The following SLC41A3 variants were observed in gnomAD, a reference collection of about 807,000 sequenced individuals.
SLC41A3 encodes SLC41A1-like 2.
A neutral mutation model predicts 45.4 loss-of-function variants in SLC41A3; 44 were observed. That is an observed-to-expected ratio of 0.97 (90% CI 0.76 to 1.25). The LOEUF is 1.25. Ranked by LOEUF, SLC41A3 falls within the 50% of genes most tolerant of loss-of-function variation. The probability of loss-of-function intolerance (pLI) is 0.00; values close to 1 mark genes in which losing one functional copy is unlikely to be tolerated. For synonymous variants in SLC41A3, 256 were observed against 252.4 expected, an observed-to-expected ratio of 1.01 and a Z score of -0.13; for missense variants, 550 against 600.6, an observed-to-expected ratio of 0.92 and a Z score of 0.88.
At chr3:126,067,702 T>G in intron 2 of SLC41A3, 1 of 554,468 alleles carries the variant, frequency 1.8e-6, no homozygotes, top group Non-Finnish European at 3.2e-6. Context: ...AGGGAAATGA[T>G]TAAGTAAATT....
chr3:126,006,913 A>G lies in SLC41A3; in HGVS notation c.*103T>C. The G allele has an allele frequency of 1.3e-6, 2 of 1,565,798 alleles. No homozygotes were observed. The highest frequency in any genetic ancestry group is 1.7e-6 in the Non-Finnish European group (2 of 1,156,166). On this transcript the variant is annotated 3_prime_UTR_variant, in exon 11 of 11. Coordinates refer to ENST00000360370, the MANE Select transcript of SLC41A3 (RefSeq NM_017836.4). The stretch of plus-strand genomic sequence containing the variant: ...ACTCACAAAAGGCTACTGCAGAGGC[A>G]GGGGTCAACCATCCCAAGGACCTGG...
At chr3:126,046,354 A>G (rs1942957211) in intron 3 of SLC41A3, among the ~76,000 whole-genome samples, 2 of 45,762 alleles carry the variant, frequency 4.4e-5, no homozygotes, top group African/African-American at 1.3e-4. Context: ...AACTCTAAAG[A>G]TTACACACAC....
chr3:126,041,955 C>T (rs1942623678), intron 3 of SLC41A3, among the ~76,000 whole-genome samples: 1 of 152,144 alleles, frequency 6.6e-6, no homozygotes, highest in African/African-American at 2.4e-5. Flanking sequence ...CTTGCCCTTG[C>T]ACCACCCCCT....
At chr3:126,092,086 T>C (rs902696990) in intron 1 of SLC41A3, among the ~76,000 whole-genome samples, 3 of 152,230 alleles carry the variant, frequency 2.0e-5, no homozygotes, top group African/African-American at 7.2e-5. Context: ...AGCAAATTTA[T>C]ACTGGTCCTG....
chr3:126,096,716 G>A (rs1945610657), intron 1 of SLC41A3, among the ~76,000 whole-genome samples: 1 of 152,202 alleles, frequency 6.6e-6, no homozygotes, highest in Admixed American at 6.5e-5. Flanking sequence ...TAGAAACAAT[G>A]CTAATGACTG....
Position 126,050,895 on chromosome 3 carries a change from C to T in SLC41A3, c.381+48G>A, listed in dbSNP as rs370110421. 68 of 1,573,236 alleles carry T rather than the reference C, an allele frequency of 4.3e-5. No individual in the cohort carries two copies. The African/African-American group carries it at 4.8e-4, about 11-fold the overall frequency. On this transcript the variant is annotated intron_variant, in intron 3 of 10. Coordinates refer to ENST00000360370, the MANE Select transcript of SLC41A3 (RefSeq NM_017836.4). ...CAGGGGAGACCAGGTGGTAGGGACGCGCCTGCCTCACGTTGTGGCCGCCTC... is the reference window on the plus strand; with the variant it reads ...CAGGGGAGACCAGGTGGTAGGGACGTGCCTGCCTCACGTTGTGGCCGCCTC...
chr3:126,060,708 A>G (rs1944018970), intron 2 of SLC41A3, among the ~76,000 whole-genome samples: 2 of 152,254 alleles, frequency 1.3e-5, no homozygotes, highest in Admixed American at 1.3e-4. Flanking sequence ...CCAGAAAATC[A>G]AAAGTGTGGT....
intron 3 of SLC41A3, among the ~76,000 whole-genome samples, chr3:126,035,429 C>A (rs1004478559): frequency 3.3e-5 from 5 of 152,188 alleles, no homozygotes; most frequent in Non-Finnish European, 7.3e-5. Context: ...GCCACAGGAG[C>A]TGCGGGTTTG....
intron 1 of SLC41A3, among the ~76,000 whole-genome samples, chr3:126,097,361 T>C (rs1485248865): frequency 6.6e-5 from 10 of 152,166 alleles, no homozygotes; most frequent in African/African-American, 2.4e-4. Context: ...ATTTTGCTGT[T>C]AACAGGTGTG....
At chr3:126,054,788 G>A (rs902185701) in intron 2 of SLC41A3, among the ~76,000 whole-genome samples, 8 of 151,870 alleles carry the variant, frequency 5.3e-5, no homozygotes, top group East Asian at 3.9e-4. Flanking sequence ...CCAGCCCTCC[G>A]GAACGCCTAA....
At chr3:126,033,785 T>C (rs1576269262) in intron 3 of SLC41A3, 107 bp from the exon 4 acceptor site, 1 of 1,176,432 alleles carries the variant, frequency 8.5e-7, no homozygotes, top group South Asian at 1.4e-5. Context: ...AAATACCATT[T>C]CATCAGCGTC....
At chr3:126,098,274 A>T in intron 1 of SLC41A3, among the ~76,000 whole-genome samples, 1 of 152,094 alleles carries the variant, frequency 6.6e-6, no homozygotes, top group East Asian at 1.9e-4. Flanking sequence ...CTTAGAAGAG[A>T]TGGGAAAGAG....
chr3:126,026,596 C>T lies in SLC41A3; in HGVS notation c.454-117G>A. 7.5e-7 allele frequency: 1 copy of T among 1,324,756 alleles called. No homozygotes were observed. The allele number at this position is 1,324,756 out of a possible 1,614,324, so 82.1% of individuals were successfully genotyped here. ...GTGCCACATGCTACTGCCTCCTTTC[C>T]CTTACCCTAAAATCTCACAGGCCCT... On this transcript the variant is annotated intron_variant, in intron 4 of 10. Transcript: ENST00000360370. This position sits in a 1 kb window ranked among gnomAD's most constrained non-coding sequence, Gnocchi z 4.2.
At chr3:126,082,095 C>A (rs9869756) in intron 1 of SLC41A3, among the ~76,000 whole-genome samples, 146,324 of 152,358 alleles carry the variant, frequency 0.96, 70,825 homozygotes, top group Middle Eastern at 1. Context: ...GGGGGATCTC[C>A]CAGCTGTGGA....
At position 126,052,664 on chromosome 3, in the gene SLC41A3, C is replaced by T. The variant is rs1053187603; in HGVS notation, c.274-1614G>A. ...CAGGGTGGCACTGTCCTCCCCTCCACGGATAAAGCACCTGCTGACAGGCAC... is the reference window on the plus strand; with the variant it reads ...CAGGGTGGCACTGTCCTCCCCTCCATGGATAAAGCACCTGCTGACAGGCAC... On this transcript the variant is annotated intron_variant, in intron 2 of 10. Coordinates refer to ENST00000360370, the MANE Select transcript of SLC41A3 (RefSeq NM_017836.4). Among the ~76,000 whole-genome samples, 11 of 152,274 alleles carry T rather than the reference C, an allele frequency of 7.2e-5. 1 individual carries two copies. In the South Asian group the frequency reaches 1.0e-3, roughly 14 times the overall value.
intron 6 of SLC41A3, 130 bp downstream of exon 6, chr3:126,022,656 A>T: frequency 8.4e-7 from 1 of 1,191,068 alleles, no homozygotes; most frequent in African/African-American, 1.5e-5. Flanking sequence ...AACACATGAA[A>T]TGTGGGGGAC....
At chr3:126,058,307 C>T (rs992588692) in intron 2 of SLC41A3, 2 of 152,302 alleles carry the variant, frequency 1.3e-5, no homozygotes, top group Non-Finnish European at 2.9e-5. Flanking sequence ...CGTGATCTCG[C>T]TATTTCAGAT....
chr3:126,092,778 C>G (rs1945515891), intron 1 of SLC41A3: 1 of 152,220 alleles, frequency 6.6e-6, no homozygotes, highest in Non-Finnish European at 1.5e-5. Flanking sequence ...AGTGTGGAGT[C>G]TGGTTCATTC....
chr3:126,040,828 C>T (rs1942542915), intron 3 of SLC41A3, among the ~76,000 whole-genome samples: 1 of 152,112 alleles, frequency 6.6e-6, no homozygotes, highest in South Asian at 2.1e-4. Context: ...AAGTGTAAAT[C>T]TAAAATAAAA....
Sources: gnomAD v4.1 joint callset for allele counts (sites outside exome capture counted in the v4.1 genomes callset) on GRCh38, gnomAD v4.1.1 for gene constraint, Gnocchi (gnomAD v3.1) non-coding constraint, MANE v1.5 for transcripts, NCBI Gene and HGNC (gene_info 2026-07-23, HGNC 2026-07-21) for gene names.